Variants in RASA2 observed in about 807,000 individuals in gnomAD.
RASA2 encodes the protein ras GTPase-activating protein 2.
A neutral mutation model predicts 118.2 loss-of-function variants in RASA2; 155 were observed. That is an observed-to-expected ratio of 1.31 (90% CI 1.15 to 1.50). The LOEUF is 1.50. RASA2 is among the 40% of genes most tolerant of loss of function. The pLI, the probability that RASA2 is intolerant of heterozygous loss-of-function variation, is 0.00. For synonymous variants in RASA2, 353 were observed against 349.1 expected (o/e 1.01, Z -0.12); for missense variants, 1,016 against 1,009.6 (o/e 1.01, Z -0.09).
In RASA2 at chr3:141,568,706, A is replaced by C. The variant is rs1221632723; in HGVS notation, c.864-2206A>C. Among the ~76,000 whole-genome samples, 3 of 152,080 alleles carry C rather than the reference A, an allele frequency of 2.0e-5. No homozygotes were observed. The East Asian group carries it at 5.8e-4, about 29-fold the overall frequency. On this transcript the variant is annotated intron_variant, in intron 9 of 23. Coordinates refer to ENST00000286364, the MANE Select transcript of RASA2 (RefSeq NM_006506.5). ...ACACAGATTCTTTCTTAGTTCTTGA[A>C]GTTTGAGCTTCACTACAAAAAGAAT...
At chr3:141,525,808 AAAAAAAAATT>A (rs2082177235) in intron 3 of RASA2, 1 of 151,762 alleles carries the variant, frequency 6.6e-6, no homozygotes, top group South Asian at 2.1e-4. Context: ...CTCTGTCTCA[AAAAAAAAATT>A]AAAAAAAATA....
chr3:141,571,877 T>C (rs1214862944), intron 11 of RASA2, among the ~76,000 whole-genome samples: 1 of 151,968 alleles, frequency 6.6e-6, no homozygotes, highest in Non-Finnish European at 1.5e-5. Context: ...TCATTATGTA[T>C]CACCCTTATA....
intron 1 of RASA2, among the ~76,000 whole-genome samples, chr3:141,501,408 G>T (rs1013023028): frequency 6.6e-6 from 1 of 152,156 alleles, no homozygotes; most frequent in Non-Finnish European, 1.5e-5. Flanking sequence ...CCAAGAAAGG[G>T]CACTAATAGT....
intron 9 of RASA2, among the ~76,000 whole-genome samples, chr3:141,569,138 T>C (rs2082871092): frequency 6.6e-6 from 1 of 152,160 alleles, no homozygotes; most frequent in Admixed American, 6.5e-5. Flanking sequence ...AGAAAACGCC[T>C]TTTTAAAATA....
chr3:141,604,388 A>G (rs1301677135), intron 19 of RASA2, among the ~76,000 whole-genome samples: 1 of 152,092 alleles, frequency 6.6e-6, no homozygotes, highest in African/African-American at 2.4e-5. Context: ...TACTTTTTAA[A>G]TTGTTAACAA....
intron 10 of RASA2, 67 bp from the exon 11 acceptor site, chr3:141,571,339 C>A: frequency 6.5e-7 from 1 of 1,541,950 alleles, no homozygotes; most frequent in Non-Finnish European, 8.8e-7. Context: ...CTTTTACAGG[C>A]TAGTGATTGA....
At chr3:141,506,915 C>CAAAAAAA (rs59123792) in intron 1 of RASA2, among the ~76,000 whole-genome samples, 2 of 89,740 alleles carry the variant, frequency 2.2e-5, no homozygotes, top group African/African-American at 4.3e-5. Context: ...GACCCTGTCT[C>CAAAAAAA]AAAAAAAAAA....
At chr3:141,580,081 A>T (rs1159645065) in intron 15 of RASA2, among the ~76,000 whole-genome samples, 54 of 95,570 alleles carry the variant, frequency 5.7e-4, no homozygotes, top group East Asian at 1.2e-3. Flanking sequence ...AAAAAAAAAA[A>T]AAAAATATAT....
chr3:141,594,824 G>A (rs572837282), intron 19 of RASA2, among the ~76,000 whole-genome samples: 1 of 151,892 alleles, frequency 6.6e-6, no homozygotes, highest in Non-Finnish European at 1.5e-5. Flanking sequence ...TCTACAAGGA[G>A]TAAAGAGCAC....
chr3:141,571,207 C>T, intron 10 of RASA2, 139 bp downstream of exon 10: 3 of 1,122,398 alleles, frequency 2.7e-6, no homozygotes, highest in Non-Finnish European at 3.7e-6. Context: ...TACACACACA[C>T]ATTTCTATTT....
intron 5 of RASA2, among the ~76,000 whole-genome samples, chr3:141,553,081 G>A (rs1453313585): frequency 6.6e-6 from 1 of 152,176 alleles, no homozygotes; most frequent in Non-Finnish European, 1.5e-5. Flanking sequence ...TCTACAGAAT[G>A]GTGCTTACTG....
chr3:141,590,802 A>G (rs897703949), intron 19 of RASA2, among the ~76,000 whole-genome samples: 2 of 152,228 alleles, frequency 1.3e-5, no homozygotes, highest in African/African-American at 4.8e-5. Context: ...AGTGTCAAAT[A>G]ATATGCATAG....
intron 9 of RASA2, among the ~76,000 whole-genome samples, chr3:141,570,701 T>G (rs1450084417): frequency 1.3e-5 from 2 of 152,260 alleles, no homozygotes; most frequent in South Asian, 2.1e-4. Flanking sequence ...GCTTTTTGTT[T>G]CCTGGATAAA....
chr3:141,550,386 G>A (rs1420699454), intron 5 of RASA2, among the ~76,000 whole-genome samples: 3 of 152,154 alleles, frequency 2.0e-5, no homozygotes, highest in African/African-American at 7.2e-5. Context: ...AGATCACGGG[G>A]CAAAGAAGGA....
chr3:141,586,256 CT>C, intron 18 of RASA2, among the ~76,000 whole-genome samples, 158 bp downstream of exon 18: 1 of 152,242 alleles, frequency 6.6e-6, no homozygotes, highest in South Asian at 2.1e-4. Flanking sequence ...GTCCTACAAA[CT>C]TTATGGCAAA....
intron 3 of RASA2, 129 bp from the exon 4 acceptor site, chr3:141,529,579 G>T: frequency 1.9e-6 from 1 of 529,048 alleles, no homozygotes; most frequent in Non-Finnish European, 3.0e-6. Flanking sequence ...TTATAAAAAT[G>T]GATTTTTATG....
chr3:141,512,163 G>T lies in RASA2; in HGVS notation c.134G>T (p.Cys45Phe). The change falls in exon 2 of 24, where the codon TGT (cysteine) becomes TTT (phenylalanine). Residue 45 changes from cysteine to phenylalanine, a missense_variant and splice_region_variant. Physicochemically the swap from Cys to Phe is radical, Grantham distance 205. This residue lies in a region of RASA2 where 896 missense variants were observed against 836.4 expected (regional missense o/e 1.07). Transcript: ENST00000286364. ...ACAATTTTAAATTTTATGCCAACAG[G>T]TGAAGCAAAAAATTTATTGCCATAT... The part of the protein sequence containing the change: ...RVLQSLRGKI[C>F]EAKNLLPYLG... 6.2e-7 allele frequency: 1 copy of T among 1,601,438 alleles called. No individual in the cohort carries two copies. Among genetic ancestry groups the T allele is most frequent in the Non-Finnish European group, 8.5e-7 (1 of 1,171,526 alleles).
At chr3:141,510,440 C>T (rs904900584) in intron 1 of RASA2, among the ~76,000 whole-genome samples, 6 of 152,152 alleles carry the variant, frequency 3.9e-5, no homozygotes, top group South Asian at 2.1e-4. Context: ...AGCTGTCTAC[C>T]GTATGACAGT....
chr3:141,560,006 A>G lies in RASA2; in HGVS notation c.863+11A>G. On this transcript the variant is annotated intron_variant, in intron 9 of 23. Coordinates refer to ENST00000286364, the MANE Select transcript of RASA2 (RefSeq NM_006506.5). ...CTCTCATCAAGCCTGGTAAGGGCCC[A>G]GCATTTTAGTGAACTCCATAGTTTA... The G allele has an allele frequency of 1.3e-6, 2 of 1,596,350 alleles. No homozygotes were observed. Among genetic ancestry groups the G allele is most frequent in the Non-Finnish European group, 1.7e-6 (2 of 1,164,420 alleles).
Sources: allele counts gnomAD v4.1 joint callset (sites outside exome capture counted in the v4.1 genomes callset), GRCh38; gene constraint gnomAD v4.1.1; regional missense constraint gnomAD v4.1.1; transcripts MANE v1.5; gene names NCBI Gene and HGNC (gene_info 2026-07-23, HGNC 2026-07-21).